The following HS6ST3 variants were observed in gnomAD, a reference collection of about 807,000 sequenced individuals.
The protein encoded by HS6ST3 is heparan-sulfate 6-O-sulfotransferase 3.
HS6ST3 carries 12 observed loss-of-function variants against 36.7 expected under a neutral mutation model. The ratio of observed to expected loss-of-function variants is 0.33; its 90% confidence interval spans 0.21 to 0.53. HS6ST3 has a LOEUF of 0.53. Among genes scored for constraint, HS6ST3 ranks in the 20% least tolerant of loss-of-function variants. The pLI is 0.95. For missense variants in HS6ST3, 584 were observed against 640.9 expected (o/e 0.91, Z 0.96); for synonymous variants, 240 against 257.5 (o/e 0.93, Z 0.65).
intron 1 of HS6ST3, among the ~76,000 whole-genome samples, chr13:96,228,381 C>T (rs1018203559): frequency 2.0e-5 from 3 of 152,144 alleles, no homozygotes; most frequent in Non-Finnish European, 4.4e-5. Context: ...GCTTCAGCCT[C>T]TGAGTGGCTG....
intron 1 of HS6ST3, among the ~76,000 whole-genome samples, chr13:96,306,245 A>C (rs768220265): frequency 6.6e-6 from 1 of 151,938 alleles, no homozygotes; most frequent in Non-Finnish European, 1.5e-5. Flanking sequence ...CTGGGACTAC[A>C]GGTGCATGCC....
At chr13:96,246,059 A>C (rs1643902506) in intron 1 of HS6ST3, among the ~76,000 whole-genome samples, 1 of 152,214 alleles carries the variant, frequency 6.6e-6, no homozygotes, top group Non-Finnish European at 1.5e-5. Context: ...CTAAAATATT[A>C]ATGAAATATA....
chr13:96,776,370 A>G (rs981013182), intron 1 of HS6ST3, among the ~76,000 whole-genome samples: 5 of 152,214 alleles, frequency 3.3e-5, no homozygotes, highest in Non-Finnish European at 7.3e-5. Flanking sequence ...TAGAGACATG[A>G]AAAAACCTTC....
At chr13:96,665,447 CA>C (rs2056660524) in intron 1 of HS6ST3, among the ~76,000 whole-genome samples, 1 of 151,632 alleles carries the variant, frequency 6.6e-6, no homozygotes, top group South Asian at 2.1e-4. Context: ...ATAAGTATAC[CA>C]AAGAAAAAAT....
intron 1 of HS6ST3, among the ~76,000 whole-genome samples, chr13:96,303,251 G>A (rs1314116603): frequency 3.3e-5 from 5 of 152,022 alleles, no homozygotes; most frequent in African/African-American, 4.8e-5. Flanking sequence ...TATTGAATTC[G>A]CACGGCTAAG....
rs373075648 is a variant in HS6ST3, at chr13:96,242,572, A to G, written c.707+151003A>G. On this transcript the variant is annotated intron_variant, in intron 1 of 1. Coordinates refer to ENST00000376705, the MANE Select transcript of HS6ST3 (RefSeq NM_153456.4). ...GGAATCATACAGTATTTGTCCTTCT[A>G]TGACTAGCCTATTTCGCTTAGCATA... is the stretch of plus-strand genomic sequence containing the variant. 1.4e-3 allele frequency among the ~76,000 whole-genome samples: 212 copies of G among 151,956 alleles called. No individual in the cohort carries two copies. The South Asian group carries it at 0.014, about 10-fold the overall frequency.
intron 1 of HS6ST3, among the ~76,000 whole-genome samples, chr13:96,598,622 CAG>C (rs1487144023): frequency 1.3e-5 from 2 of 151,992 alleles, no homozygotes; most frequent in South Asian, 2.1e-4. Flanking sequence ...CATCAGCAAA[CAG>C]ATAGTTTGAC....
intron 1 of HS6ST3, among the ~76,000 whole-genome samples, chr13:96,569,273 A>G (rs1160832303): frequency 6.6e-6 from 1 of 152,198 alleles, no homozygotes. Context: ...GTTAACTTCA[A>G]GTAGAATGAC....
chr13:96,248,189 T>C (rs80029405), intron 1 of HS6ST3, among the ~76,000 whole-genome samples: 1,752 of 152,318 alleles, frequency 0.012, 36 homozygotes, highest in African/African-American at 0.04. Flanking sequence ...ATAATTAATA[T>C]ACATGCCTGT....
chr13:96,756,047 T>G (rs1566446052), intron 1 of HS6ST3, among the ~76,000 whole-genome samples: 2 of 152,194 alleles, frequency 1.3e-5, no homozygotes, highest in African/African-American at 4.8e-5. Flanking sequence ...CTCACTTTAG[T>G]TTTAGCTTAC....
intron 1 of HS6ST3, among the ~76,000 whole-genome samples, chr13:96,675,917 G>A (rs648751): frequency 0.37 from 56,390 of 151,790 alleles, 10,720 homozygotes; most frequent in East Asian, 0.62. Context: ...CAGTCTGTTT[G>A]GGTAGCTCTG....
At chr13:96,695,481 G>A (rs968265680) in intron 1 of HS6ST3, among the ~76,000 whole-genome samples, 2 of 152,108 alleles carry the variant, frequency 1.3e-5, no homozygotes, top group Non-Finnish European at 2.9e-5. Flanking sequence ...AGACTGGAGT[G>A]CAGTGGCATA....
At chr13:96,140,458 C>T (rs941343113) in intron 1 of HS6ST3, among the ~76,000 whole-genome samples, 3 of 152,028 alleles carry the variant, frequency 2.0e-5, no homozygotes, top group Admixed American at 1.3e-4. Flanking sequence ...GTATGTAGTG[C>T]AACATTGTAA....
chr13:96,518,671 A>G (rs1287188313), intron 1 of HS6ST3, among the ~76,000 whole-genome samples: 2 of 152,150 alleles, frequency 1.3e-5, no homozygotes, highest in Non-Finnish European at 2.9e-5. Flanking sequence ...AGATTCAAAG[A>G]GTACATTTGC....
chr13:96,285,030 A>G (rs543598746), intron 1 of HS6ST3, among the ~76,000 whole-genome samples: 29 of 151,730 alleles, frequency 1.9e-4, no homozygotes, highest in African/African-American at 3.9e-4. Flanking sequence ...GCATATATTA[A>G]TATCTTAGGG....
chr13:96,811,142 T>G (rs904757782), intron 1 of HS6ST3, among the ~76,000 whole-genome samples: 16 of 152,188 alleles, frequency 1.1e-4, no homozygotes, highest in African/African-American at 3.9e-4. Context: ...TTTACTGATG[T>G]AAAACCAACA....
intron 1 of HS6ST3, among the ~76,000 whole-genome samples, chr13:96,382,549 T>A (rs933055524): frequency 1.3e-5 from 2 of 152,234 alleles, no homozygotes; most frequent in Non-Finnish European, 2.9e-5. Flanking sequence ...CTTTTTGTTT[T>A]TAGAATCAAG....
chr13:96,174,279 T>A (rs2054202324), intron 1 of HS6ST3, among the ~76,000 whole-genome samples: 1 of 152,180 alleles, frequency 6.6e-6, no homozygotes, highest in Admixed American at 6.6e-5. Flanking sequence ...ATATTCTATA[T>A]AATGCGTTAT....
Position 96,431,225 on chromosome 13 carries a change from AAACAACAACAAC to A in HS6ST3, c.707+339677_707+339688del, listed in dbSNP as rs71213616. On this transcript the variant is annotated intron_variant, in intron 1 of 1. Transcript: ENST00000376705. ...TCTCTAAAACAAAAAACAAACAAACAAACAACAACAACAACAACAACAACAACAACAAATAAA... is the reference window on the plus strand; with the variant it reads ...TCTCTAAAACAAAAAACAAACAAACAAACAACAACAACAACAACAAATAAA... Among the ~76,000 whole-genome samples, 38 of 150,434 alleles carry A rather than the reference AAACAACAACAAC, an allele frequency of 2.5e-4. 1 individual carries two copies. The highest frequency in any genetic ancestry group is 1.0e-3 in the East Asian group (5 of 4,780).
Sources: allele counts gnomAD v4.1 joint callset (sites outside exome capture counted in the v4.1 genomes callset), GRCh38; gene constraint gnomAD v4.1.1; transcripts MANE v1.5; gene names NCBI Gene and HGNC (gene_info 2026-07-23, HGNC 2026-07-21).